The following SRD5A1 variants were observed in gnomAD, a reference collection of about 807,000 sequenced individuals.
SRD5A1 encodes 3-oxo-5-alpha-steroid 4-dehydrogenase 1.
A neutral mutation model predicts 28.2 loss-of-function variants in SRD5A1; 22 were observed. The observed-to-expected ratio is 0.78, with a 90% CI of 0.56 to 1.12. SRD5A1 has a LOEUF of 1.12. Ranked by LOEUF, SRD5A1 falls within the 50% of genes most tolerant of loss-of-function variation. SRD5A1 has a pLI of 0.00. For synonymous variants in SRD5A1, 151 were observed against 135.0 expected, an observed-to-expected ratio of 1.12 and a Z score of -0.82; for missense variants, 300 against 346.7, an observed-to-expected ratio of 0.87 and a Z score of 1.07.
intron 3 of SRD5A1, among the ~76,000 whole-genome samples, chr5:6,658,318 CTG>C (rs1738892489): frequency 6.6e-6 from 1 of 151,974 alleles, no homozygotes; most frequent in African/African-American, 2.4e-5. Flanking sequence ...GAGTGAGACT[CTG>C]TCTAAAAAAA....
At chr5:6,663,120 A>C (rs1739061016) in intron 4 of SRD5A1, among the ~76,000 whole-genome samples, 154 bp downstream of exon 4, 2 of 152,224 alleles carry the variant, frequency 1.3e-5, no homozygotes, top group Admixed American at 6.5e-5. Context: ...ATAGCTGTAG[A>C]ATCACCCAGC....
chr5:6,637,688 G>A (rs374739213), intron 1 of SRD5A1, among the ~76,000 whole-genome samples: 6 of 152,220 alleles, frequency 3.9e-5, no homozygotes, highest in African/African-American at 1.4e-4. Flanking sequence ...AGCAGGAGGT[G>A]CCGCTTGCCA....
intron 4 of SRD5A1, among the ~76,000 whole-genome samples, chr5:6,667,903 G>A (rs1472204328): frequency 6.6e-6 from 1 of 152,204 alleles, no homozygotes; most frequent in Non-Finnish European, 1.5e-5. Context: ...CCCGGGGGCT[G>A]AAAAGACAGC....
At chr5:6,645,086 C>G in intron 1 of SRD5A1, 4 of 432,864 alleles carry the variant, frequency 9.2e-6, no homozygotes, top group Non-Finnish European at 1.9e-5. Context: ...GAGATGAGAA[C>G]CTTGGAGGCT....
chr5:6,663,027 T>C, intron 4 of SRD5A1, 61 bp downstream of exon 4: 3 of 1,580,706 alleles, frequency 1.9e-6, no homozygotes, highest in Admixed American at 1.8e-5. Flanking sequence ...ATTACCATTT[T>C]TCAGGCTAGA....
intron 1 of SRD5A1, among the ~76,000 whole-genome samples, chr5:6,644,018 A>G (rs1738438137): frequency 6.6e-6 from 1 of 152,210 alleles, no homozygotes; most frequent in African/African-American, 2.4e-5. Context: ...TTAGAAGAAA[A>G]TTGGGAGAAA....
Position 6,673,084 on chromosome 5 carries a change from A to G in SRD5A1, c.*4816A>G, listed in dbSNP as rs923858193. Reference sequence around the variant, plus strand: ...TTCAGATCCTCTGGGGAGGGCATCAATTATTTCCTATTGTTTTTAGCACCG... The same window carrying G: ...TTCAGATCCTCTGGGGAGGGCATCAGTTATTTCCTATTGTTTTTAGCACCG... On this transcript the variant is annotated 3_prime_UTR_variant, in exon 5 of 5. Coordinates refer to ENST00000274192, the MANE Select transcript of SRD5A1 (RefSeq NM_001047.4). 6 of 152,210 alleles carry G rather than the reference A, an allele frequency of 3.9e-5. No homozygotes were observed. The highest frequency in any genetic ancestry group is 1.4e-4 in the African/African-American group (6 of 41,448). 9.4% of individuals were successfully genotyped at this position (152,210 alleles called of 1,614,324 possible).
chr5:6,656,166 CAAA>C lies in SRD5A1; in HGVS notation c.551_553del (p.Lys184del). 1.2e-6 allele frequency: 2 copies of C among 1,613,050 alleles called. No homozygotes were observed. The highest frequency in any genetic ancestry group is 1.7e-6 in the Non-Finnish European group (2 of 1,179,126). ...TCAGAAAACCAGGAGATACTGGATA[CAAA>C]ATACCAAGGGGTACGTACAGAAAGT... is the stretch of plus-strand genomic sequence containing the variant. On this transcript the variant is annotated inframe_deletion, in exon 3 of 5. Coordinates refer to ENST00000274192, the MANE Select transcript of SRD5A1 (RefSeq NM_001047.4).
intron 1 of SRD5A1, among the ~76,000 whole-genome samples, chr5:6,644,485 C>T (rs998245225): frequency 6.6e-6 from 1 of 152,148 alleles, no homozygotes; most frequent in African/African-American, 2.4e-5. Flanking sequence ...GGGAAGTTTT[C>T]TCTCAACTTT....
At position 6,634,901 on chromosome 5, in the gene SRD5A1, C is replaced by T. The variant is rs181816053; in HGVS notation, c.293+1032C>T. Among the ~76,000 whole-genome samples, 125 of 152,334 alleles carry T rather than the reference C, an allele frequency of 8.2e-4. 1 individual carries two copies. The highest frequency in any genetic ancestry group is 2.9e-3 in the African/African-American group (122 of 41,564). On this transcript the variant is annotated intron_variant, in intron 1 of 4. Coordinates refer to ENST00000274192, the MANE Select transcript of SRD5A1 (RefSeq NM_001047.4). ...AATTTTAAACGTTTTCATTCAGGCTCTGGAAAGCTTCACAGTTAAAAAGGA... is the reference window on the plus strand; with the variant it reads ...AATTTTAAACGTTTTCATTCAGGCTTTGGAAAGCTTCACAGTTAAAAAGGA...
intron 4 of SRD5A1, among the ~76,000 whole-genome samples, chr5:6,667,970 G>C (rs938166675): frequency 6.6e-6 from 1 of 152,222 alleles, no homozygotes; most frequent in Non-Finnish European, 1.5e-5. Flanking sequence ...CTTCCAGATA[G>C]AAAGGTGAAT....
At chr5:6,659,608 C>T (rs775529189) in intron 3 of SRD5A1, among the ~76,000 whole-genome samples, 14 of 152,132 alleles carry the variant, frequency 9.2e-5, no homozygotes, top group Non-Finnish European at 1.9e-4. Context: ...TTTGCAGGTA[C>T]GCACCCTATA....
intron 1 of SRD5A1, among the ~76,000 whole-genome samples, chr5:6,639,911 C>A (rs923936968): frequency 2.6e-5 from 4 of 152,168 alleles, no homozygotes; most frequent in African/African-American, 9.7e-5. Flanking sequence ...TTATCTTTTT[C>A]CCATATCTTT....
intron 1 of SRD5A1, among the ~76,000 whole-genome samples, chr5:6,639,933 A>G (rs989491664): frequency 2.0e-5 from 3 of 152,214 alleles, no homozygotes; most frequent in African/African-American, 4.8e-5. Flanking sequence ...ATTGCTTTTA[A>G]TAAGTTTTTT....
intron 3 of SRD5A1, among the ~76,000 whole-genome samples, chr5:6,659,565 G>C (rs7711978): frequency 6.6e-6 from 1 of 152,206 alleles, no homozygotes; most frequent in East Asian, 1.9e-4. Context: ...GAAAGCTTTT[G>C]TGAAGTAAAA....
intron 1 of SRD5A1, among the ~76,000 whole-genome samples, chr5:6,637,013 T>C (rs1738203151): frequency 6.6e-6 from 1 of 152,140 alleles, no homozygotes; most frequent in African/African-American, 2.4e-5. Flanking sequence ...GGAACATCTT[T>C]AGGGCTCACG....
chr5:6,661,565 G>C (rs248796), intron 3 of SRD5A1, among the ~76,000 whole-genome samples: 89,256 of 141,990 alleles, frequency 0.63, 29,734 homozygotes, highest in African/African-American at 0.86. Context: ...CAGAGTCTAG[G>C]TCTGTCACCC....
At chr5:6,650,922 C>T (rs930351986) in intron 1 of SRD5A1, among the ~76,000 whole-genome samples, 1 of 151,298 alleles carries the variant, frequency 6.6e-6, no homozygotes, top group Non-Finnish European at 1.5e-5. Flanking sequence ...TGATAGTTTA[C>T]TGAGAATGAA....
chr5:6,660,106 C>T (rs577154180), intron 3 of SRD5A1, among the ~76,000 whole-genome samples: 54 of 152,294 alleles, frequency 3.5e-4, no homozygotes, highest in Middle Eastern at 3.4e-3. Flanking sequence ...ACAGGTGTGA[C>T]GTCCATAGTC....
Sources: gnomAD v4.1 joint callset for allele counts (sites outside exome capture counted in the v4.1 genomes callset) on GRCh38, gnomAD v4.1.1 for gene constraint, MANE v1.5 for transcripts, NCBI Gene and HGNC (gene_info 2026-07-23, HGNC 2026-07-21) for gene names.